The following MON1B variants were observed in gnomAD, a reference collection of about 807,000 sequenced individuals.
MON1B encodes MON1 vesicular trafficking associated B, also known as vacuolar fusion protein MON1 homolog B.
In MON1B, 26 loss-of-function variants were observed where a neutral mutation model predicts 45.1. The observed-to-expected ratio is 0.58, with a 90% CI of 0.42 to 0.80. MON1B has a LOEUF of 0.80. Among genes scored for constraint, MON1B ranks in the 30% least tolerant of loss-of-function variants. The probability of loss-of-function intolerance (pLI) is 0.00; values close to 1 mark genes in which losing one functional copy is unlikely to be tolerated. For synonymous variants in MON1B, 395 were observed against 320.2 expected, an observed-to-expected ratio of 1.23 and a Z score of -2.49; for missense variants, 737 against 754.5, an observed-to-expected ratio of 0.98 and a Z score of 0.27.
rs764913033 is a variant in MON1B, at chr16:77,194,441, C to T, written c.582C>T (p.His194=). The T allele has an allele frequency of 8.7e-6, 14 of 1,613,906 alleles. No homozygotes were observed. The highest frequency in any genetic ancestry group is 5.3e-5 in the African/African-American group (4 of 74,912). The change falls in exon 4 of 6, where the codon CAC becomes CAT. Residue 194 remains histidine (H), a synonymous_variant. Transcript: ENST00000248248. This position sits in a 1 kb window ranked among gnomAD's most constrained non-coding sequence, Gnocchi z 8.1. ...AQLRGELLAV[H]AQIVSTLTRA... Reference sequence around the variant, plus strand: ...TGCGGGGGGAGCTGCTAGCTGTGCACGCACAGATCGTGAGCACACTTACAC... The same window carrying T: ...TGCGGGGGGAGCTGCTAGCTGTGCATGCACAGATCGTGAGCACACTTACAC...
intron 2 of MON1B, among the ~76,000 whole-genome samples, chr16:77,192,459 C>T (rs1340605048): frequency 1.3e-5 from 2 of 152,128 alleles, no homozygotes; most frequent in Non-Finnish European, 2.9e-5. Flanking sequence ...GAATGGAAAT[C>T]AATGGGAATA....
At position 77,198,223 on chromosome 16, in the gene MON1B, T is replaced by A; in HGVS notation, c.1559T>A (p.Phe520Tyr). ...RWVKKEEDRL[F>Y]IRYPPKYSTP... The stretch of plus-strand genomic sequence containing the variant: ...GTGAAGAAAGAGGAGGACCGGCTCT[T>A]CATTCGTTACCCACCCAAGTACTCC... The change falls in exon 6 of 6, where the codon TTC becomes TAC. Residue 520 changes from phenylalanine (F) to tyrosine (Y), a missense_variant. Coordinates refer to ENST00000248248, the MANE Select transcript of MON1B (RefSeq NM_014940.4). 1 of 1,614,122 alleles carries A rather than the reference T, an allele frequency of 6.2e-7. No individual in the cohort carries two copies. The highest frequency in any genetic ancestry group is 8.5e-7 in the Non-Finnish European group (1 of 1,180,026).
rs1395284803 is a variant in MON1B, at chr16:77,198,496, C to G, written c.*188C>G. The G allele has an allele frequency of 1.6e-6, 1 of 641,198 alleles. No homozygotes were observed. The highest frequency in any genetic ancestry group is 1.8e-5 in the African/African-American group (1 of 54,594). The allele number at this position is 641,198 out of a possible 1,614,324, so 39.7% of individuals were successfully genotyped here. A position where few individuals can be genotyped will look rare whatever the true frequency, so the allele number is the denominator to read the frequency against. ...GCCGCCAGGCGAGCAGGCTGCTTTCCCTGCCCAGTCATGCACCTCCCCCTC... is the reference window on the plus strand; with the variant it reads ...GCCGCCAGGCGAGCAGGCTGCTTTCGCTGCCCAGTCATGCACCTCCCCCTC... On this transcript the variant is annotated 3_prime_UTR_variant, in exon 6 of 6. Coordinates refer to ENST00000248248, the MANE Select transcript of MON1B (RefSeq NM_014940.4).
rs748265444 is a variant in MON1B at position 77,193,425 on chromosome 16, A to G, written c.149-26A>G. 21 of 1,528,534 alleles carry G rather than the reference A, an allele frequency of 1.4e-5. No homozygotes were observed. Among genetic ancestry groups the G allele is most frequent in the Non-Finnish European group, 1.7e-5 (19 of 1,137,738 alleles). 94.7% of individuals were successfully genotyped at this position (1,528,534 alleles called of 1,614,324 possible). A position where few individuals can be genotyped will look rare whatever the true frequency, so the allele number is the denominator to read the frequency against. On this transcript the variant is annotated intron_variant, in intron 2 of 5. Coordinates refer to ENST00000248248, the MANE Select transcript of MON1B (RefSeq NM_014940.4). The surrounding 1 kb of genome is among the most constrained non-coding windows in gnomAD (Gnocchi z 5.0). Reference sequence around the variant, plus strand: ...GGATTAGTTAGGAGTTCACATGCAGATGACCCACCAGGGGCTCCCTTTCAG... The same window carrying G: ...GGATTAGTTAGGAGTTCACATGCAGGTGACCCACCAGGGGCTCCCTTTCAG...
At position 77,198,911 on chromosome 16, in the gene MON1B, A is replaced by G. The variant is rs949438058; in HGVS notation, c.*603A>G. The G allele has an allele frequency of 1.8e-5, 3 of 162,470 alleles. No individual in the cohort carries two copies. The highest frequency in any genetic ancestry group is 7.2e-5 in the African/African-American group (3 of 41,542). The allele number at this position is 162,470 out of a possible 1,614,324, so 10.1% of individuals were successfully genotyped here. A position where few individuals can be genotyped will look rare whatever the true frequency, so the allele number is the denominator to read the frequency against. Reference sequence around the variant, plus strand: ...AATGAGAAGGTGGCCTTCAGTGTCCACCTGTGGAACCCAGGACACAGCACC... The same window carrying G: ...AATGAGAAGGTGGCCTTCAGTGTCCGCCTGTGGAACCCAGGACACAGCACC... On this transcript the variant is annotated 3_prime_UTR_variant, in exon 6 of 6. Transcript: ENST00000248248.
rs1268902988 is a variant in MON1B at position 77,201,109 on chromosome 16, C to T, written c.*2801C>T. On this transcript the variant is annotated 3_prime_UTR_variant, in exon 6 of 6. Coordinates refer to ENST00000248248, the MANE Select transcript of MON1B (RefSeq NM_014940.4). ...AACAGAGACTGTTTACCTCTCGCTC[C>T]CCTGCACCTAAAACAATGCCTGCTT... 6.6e-6 allele frequency: 1 copy of T among 152,166 alleles called. No individual in the cohort carries two copies. Among genetic ancestry groups the T allele is most frequent in the Non-Finnish European group, 1.5e-5 (1 of 68,040 alleles). 9.4% of individuals were successfully genotyped at this position (152,166 alleles called of 1,614,324 possible).
Position 77,201,391 on chromosome 16 carries a change from A to G in MON1B, c.*3083A>G, listed in dbSNP as rs1311037837. On this transcript the variant is annotated 3_prime_UTR_variant, in exon 6 of 6. Coordinates refer to ENST00000248248, the MANE Select transcript of MON1B (RefSeq NM_014940.4). ...TATGACTAACTTCACCAGCAAAGGA[A>G]AAATTGAAGGATGTATCAAGTTGCC... The G allele has an allele frequency of 6.6e-6, 1 of 152,234 alleles. No individual in the cohort carries two copies. The highest frequency in any genetic ancestry group is 1.5e-5 in the Non-Finnish European group (1 of 68,044). 9.4% of individuals were successfully genotyped at this position (152,234 alleles called of 1,614,324 possible). A position where few individuals can be genotyped will look rare whatever the true frequency, so the allele number is the denominator to read the frequency against.
Position 77,199,702 on chromosome 16 carries a change from T to C in MON1B, c.*1394T>C. ...TGGAGATAAATTAACAGGCATATTC[T>C]TATCACCGAGATTAACTTTTGTCAA... On this transcript the variant is annotated 3_prime_UTR_variant, in exon 6 of 6. Transcript: ENST00000248248. 1.9e-6 allele frequency: 1 copy of C among 533,224 alleles called. No homozygotes were observed. The highest frequency in any genetic ancestry group is 2.9e-5 in the South Asian group (1 of 34,668). The allele number at this position is 533,224 out of a possible 1,614,324, so 33.0% of individuals were successfully genotyped here.
At position 77,195,065 on chromosome 16, in the gene MON1B, G is replaced by A. The variant is rs754304467; in HGVS notation, c.1206G>A (p.Val402=). The A allele has an allele frequency of 6.2e-7, 1 of 1,608,698 alleles. No homozygotes were observed. Among genetic ancestry groups the A allele is most frequent in the South Asian group, 1.1e-5 (1 of 91,010 alleles). The stretch of plus-strand genomic sequence containing the variant: ...CAGCCAGTGCTCCTGCCTACAGCGT[G>A]CAGGCTGTCGGGGCGCCGGGCCTCC... ...ASSASAPAYS[V]QAVGAPGLRH... Residue 402 remains valine (V), a synonymous_variant, in exon 4 of 6, where the codon GTG becomes GTA. Coordinates refer to ENST00000248248, the MANE Select transcript of MON1B (RefSeq NM_014940.4).
rs1319136572 is a variant in MON1B at position 77,199,521 on chromosome 16, G to A, written c.*1213G>A. The A allele has an allele frequency of 7.1e-6, 11 of 1,549,260 alleles. No homozygotes were observed. Among genetic ancestry groups the A allele is most frequent in the Non-Finnish European group, 8.7e-6 (10 of 1,145,114 alleles). On this transcript the variant is annotated 3_prime_UTR_variant, in exon 6 of 6. Coordinates refer to ENST00000248248, the MANE Select transcript of MON1B (RefSeq NM_014940.4). ...TACTGAGGAGGCTGAAGGTAGTGAG[G>A]GCAAGTGGGCTGCACTCCTTTCTCT...
rs3743760 is a variant in MON1B, at chr16:77,193,934, G to T, written c.475+157G>T. 327,826 of 720,142 alleles carry T rather than the reference G, an allele frequency of 0.46. 76,389 individuals carry two copies. The highest frequency in any genetic ancestry group is 0.57 in the African/African-American group (31,772 of 55,802). 44.6% of individuals were successfully genotyped at this position (720,142 alleles called of 1,614,324 possible). On this transcript the variant is annotated intron_variant, in intron 3 of 5. Transcript: ENST00000248248. The surrounding 1 kb of genome is among the most constrained non-coding windows in gnomAD (Gnocchi z 5.0). ...CTCTGTCAGTGGCGGGAGGTGGGGG[G>T]GTTCATCTCTGTCTGGCCTGCTGGT...
chr16:77,200,345 A>C lies in MON1B; in HGVS notation c.*2037A>C, dbSNP rs763074949. On this transcript the variant is annotated 3_prime_UTR_variant, in exon 6 of 6. Coordinates refer to ENST00000248248, the MANE Select transcript of MON1B (RefSeq NM_014940.4). ...TGTGGGCCTGTAATCGCAGCTACTCAGGAAGCTGAGGCAGGAGAATCACTT... is the reference window on the plus strand; with the variant it reads ...TGTGGGCCTGTAATCGCAGCTACTCCGGAAGCTGAGGCAGGAGAATCACTT... The C allele has an allele frequency of 1.4e-5, 2 of 147,874 alleles. No homozygotes were observed. Among genetic ancestry groups the C allele is most frequent in the Non-Finnish European group, 3.0e-5 (2 of 67,178 alleles). 9.2% of individuals were successfully genotyped at this position (147,874 alleles called of 1,614,324 possible).
At position 77,200,291 on chromosome 16, in the gene MON1B, T is replaced by TATATATATATATATATATATATATATAC; in HGVS notation, c.*1984_*1985insTATATATATATATATATATATATATACA. 3.5e-3 allele frequency: 392 copies of TATATATATATATATATATATATATATAC among 110,576 alleles called. 8 individuals carry two copies. The highest frequency in any genetic ancestry group is 5.1e-3 in the Non-Finnish European group (262 of 51,654). 6.8% of individuals were successfully genotyped at this position (110,576 alleles called of 1,614,324 possible). The stretch of plus-strand genomic sequence containing the variant: ...ATATATGTGTATATATATATATATA[T>TATATATATATATATATATATATATATAC]ACACACACTAATCAGCCGGGCGCGG... On this transcript the variant is annotated 3_prime_UTR_variant, in exon 6 of 6. Coordinates refer to ENST00000248248, the MANE Select transcript of MON1B (RefSeq NM_014940.4).
Position 77,191,548 on chromosome 16 carries a change from G to A in MON1B, c.63G>A (p.Thr21=), listed in dbSNP as rs760976734. ...APGGAEDLED[T]QFPSEEAREG... ...GGGGCGCGGAGGACTTGGAGGACACGCAGTTCCCCAGTGAGGAAGCTAGAG... is the reference window on the plus strand; with the variant it reads ...GGGGCGCGGAGGACTTGGAGGACACACAGTTCCCCAGTGAGGAAGCTAGAG... The change falls in exon 2 of 6, where the codon ACG becomes ACA. Residue 21 remains threonine (T), a synonymous_variant. Coordinates refer to ENST00000248248, the MANE Select transcript of MON1B (RefSeq NM_014940.4). 4.4e-6 allele frequency: 7 copies of A among 1,608,712 alleles called. No homozygotes were observed. Among genetic ancestry groups the A allele is most frequent in the South Asian group, 2.2e-5 (2 of 90,568 alleles).
chr16:77,199,400 C>G lies in MON1B; in HGVS notation c.*1092C>G, dbSNP rs367810281. 72 of 1,537,844 alleles carry G rather than the reference C, an allele frequency of 4.7e-5. No homozygotes were observed. The highest frequency in any genetic ancestry group is 1.0e-4 in the Admixed American group (5 of 50,210). On this transcript the variant is annotated 3_prime_UTR_variant, in exon 6 of 6. Coordinates refer to ENST00000248248, the MANE Select transcript of MON1B (RefSeq NM_014940.4). ...AAAGCCTTTCACCCTCACGTGGTTT[C>G]TTTTTTAACCAGTCATCAAGCGAGG...
intron 2 of MON1B, among the ~76,000 whole-genome samples, chr16:77,192,374 G>A (rs187634696): frequency 4.4e-4 from 67 of 152,298 alleles, no homozygotes; most frequent in Admixed American, 4.0e-3. Flanking sequence ...GACAGAATAT[G>A]CAATTATTGG....
rs754198233 is a variant in MON1B, at chr16:77,199,422, G to A, written c.*1114G>A. 6 of 1,550,530 alleles carry A rather than the reference G, an allele frequency of 3.9e-6. No individual in the cohort carries two copies. Among genetic ancestry groups the A allele is most frequent in the Non-Finnish European group, 5.2e-6 (6 of 1,146,448 alleles). ...TTTCTTTTTTAACCAGTCATCAAGC[G>A]AGGCTCGCGCGCAGGCCCCGCGTTG... On this transcript the variant is annotated 3_prime_UTR_variant, in exon 6 of 6. Transcript: ENST00000248248.
rs927409405 is a variant in MON1B at position 77,191,273 on chromosome 16, C to T, written c.-11+15C>T. On this transcript the variant is annotated intron_variant, in intron 1 of 5. Coordinates refer to ENST00000248248, the MANE Select transcript of MON1B (RefSeq NM_014940.4). ...AGTTAAAACAGGTGTTTGTATATCT[C>T]TATTTCCTGAGGCCCAGTAGAGTCT... is the stretch of plus-strand genomic sequence containing the variant. 1.9e-6 allele frequency: 3 copies of T among 1,541,998 alleles called. No homozygotes were observed. Among genetic ancestry groups the T allele is most frequent in the Admixed American group, 2.0e-5 (1 of 50,988 alleles).
At chr16:77,191,361 A>T in intron 1 of MON1B, 103 bp downstream of exon 1, 1 of 1,574,406 alleles carries the variant, frequency 6.4e-7, no homozygotes, top group Non-Finnish European at 8.7e-7. Context: ...GTCTCGTCCT[A>T]TTGAAATCCG....
Sources: gnomAD v4.1 joint callset for allele counts (sites outside exome capture counted in the v4.1 genomes callset) on GRCh38, gnomAD v4.1.1 for gene constraint, Gnocchi (gnomAD v3.1) non-coding constraint, MANE v1.5 for transcripts, NCBI Gene and HGNC (gene_info 2026-07-23, HGNC 2026-07-21) for gene names.